Variants in RGS7 observed in about 807,000 individuals in gnomAD.
RGS7 encodes the protein regulator of G protein signaling 7.
A neutral mutation model predicts 81.1 loss-of-function variants in RGS7; 27 were observed. The observed-to-expected ratio is 0.33, with a 90% CI of 0.25 to 0.46. RGS7 has a LOEUF of 0.46. Ranked by LOEUF, RGS7 falls within the 20% of genes least tolerant of loss-of-function variation. The pLI is 1.00. For missense variants in RGS7, 396 were observed against 607.4 expected (o/e 0.65, Z 3.66); for synonymous variants, 208 against 207.7 (o/e 1.00, Z -0.01).
chr1:241,089,020 C>CCTCTCTCTCTCTCTCTCTCT lies in RGS7; in HGVS notation c.175+9645_175+9646insAGAGAGAGAGAGAGAGAGAG, dbSNP rs1491281246. ...CAGCCTGGGCCACAGAGCAAGACTC[C>CCTCTCTCTCTCTCTCTCTCT]ATCTCTCTCTCTCTCTCTCTCTCTC... On this transcript the variant is annotated intron_variant, in intron 3 of 18. Coordinates refer to ENST00000440928, the MANE Select transcript of RGS7 (RefSeq NM_001364886.1). Among the ~76,000 whole-genome samples, 26 of 45,448 alleles carry CCTCTCTCTCTCTCTCTCTCT rather than the reference C, an allele frequency of 5.7e-4. 1 individual carries two copies. The highest frequency in any genetic ancestry group is 8.2e-4 in the Non-Finnish European group (21 of 25,722). The allele number at this position is 45,448 out of a possible 152,430, so 29.8% of individuals were successfully genotyped here. A position where few individuals can be genotyped will look rare whatever the true frequency, so the allele number is the denominator to read the frequency against.
rs578115155 is a variant in RGS7, at chr1:240,801,489, C to T, written c.1379G>A (p.Arg460His). The T allele has an allele frequency of 1.9e-5, 31 of 1,608,140 alleles. No homozygotes were observed. Among genetic ancestry groups the T allele is most frequent in the African/African-American group, 5.4e-5 (4 of 74,752 alleles). The change falls in exon 17 of 19, where the codon CGC (arginine) becomes CAC (histidine). Residue 460 changes from arginine (R) to histidine (H), a missense_variant. By Grantham distance (29) the Arg-to-His change is conservative. Transcript: ENST00000440928. ...TGCAAATTTTTCAAAAGATGTTCTG[C>T]GATCCATTGAGTTTCCAGACTTACG... is the stretch of plus-strand genomic sequence containing the variant. ...AKKKSGNSMD[R>H]RTSFEKFAQN...
intron 2 of RGS7, among the ~76,000 whole-genome samples, chr1:241,237,399 G>A (rs918883279): frequency 1.9e-4 from 29 of 152,078 alleles, no homozygotes; most frequent in Admixed American, 1.8e-3. Flanking sequence ...TTGTGCACTG[G>A]ACCATATACC....
intron 2 of RGS7, among the ~76,000 whole-genome samples, chr1:241,176,334 A>G (rs534201302): frequency 6.6e-6 from 1 of 152,334 alleles, no homozygotes; most frequent in East Asian, 1.9e-4. Context: ...GAAAGACCGA[A>G]GCTATCCAGG....
intron 2 of RGS7, among the ~76,000 whole-genome samples, chr1:241,257,621 A>C (rs1459902807): frequency 1.3e-5 from 2 of 152,222 alleles, no homozygotes; most frequent in Non-Finnish European, 1.5e-5. Flanking sequence ...TTCTGTCCAA[A>C]GTGTGAGTAA....
At chr1:240,872,671 T>C (rs1399230563) in intron 6 of RGS7, among the ~76,000 whole-genome samples, 1 of 152,128 alleles carries the variant, frequency 6.6e-6, no homozygotes, top group East Asian at 1.9e-4. Flanking sequence ...AGTATCAGCA[T>C]TGGTCAAGAT....
chr1:240,793,126 A>C (rs1389515632), intron 18 of RGS7, among the ~76,000 whole-genome samples: 1 of 152,056 alleles, frequency 6.6e-6, no homozygotes, highest in Non-Finnish European at 1.5e-5. Flanking sequence ...CACTGTGGGG[A>C]GTGTCTACTC....
chr1:240,847,090 T>C (rs1043112735), intron 9 of RGS7, among the ~76,000 whole-genome samples: 31 of 152,228 alleles, frequency 2.0e-4, no homozygotes, highest in Admixed American at 2.0e-3. Flanking sequence ...ATAACTAATA[T>C]ACTTAACCTT....
At chr1:240,880,810 C>T (rs1307891892) in intron 6 of RGS7, among the ~76,000 whole-genome samples, 2 of 152,100 alleles carry the variant, frequency 1.3e-5, no homozygotes, top group East Asian at 3.9e-4. Flanking sequence ...TTTATTGATT[C>T]CAGAAAAATG....
intron 3 of RGS7, among the ~76,000 whole-genome samples, chr1:241,017,371 G>T (rs1304416660): frequency 2.0e-5 from 3 of 150,478 alleles, no homozygotes; most frequent in Non-Finnish European, 4.4e-5. Context: ...AACTCAGGAG[G>T]TGGAGTTGCA....
intron 2 of RGS7, among the ~76,000 whole-genome samples, chr1:241,224,616 C>T (rs1266435257): frequency 6.6e-6 from 1 of 152,138 alleles, no homozygotes; most frequent in Non-Finnish European, 1.5e-5. Context: ...TTGTGGTTTA[C>T]TGAAAACTTA....
chr1:241,226,105 CA>C (rs2075294875), intron 2 of RGS7, among the ~76,000 whole-genome samples: 1 of 151,898 alleles, frequency 6.6e-6, no homozygotes, highest in Admixed American at 6.6e-5. Flanking sequence ...TGAGAGCACC[CA>C]AGTTCATAAA....
At chr1:240,862,292 G>A (rs151031385) in intron 9 of RGS7, among the ~76,000 whole-genome samples, 59 of 152,132 alleles carry the variant, frequency 3.9e-4, no homozygotes, top group African/African-American at 1.3e-3. Flanking sequence ...ATCATATTAT[G>A]TATATTTTCT....
intron 5 of RGS7, among the ~76,000 whole-genome samples, chr1:240,933,872 T>C (rs1676134901): frequency 6.6e-6 from 1 of 152,092 alleles, no homozygotes; most frequent in African/African-American, 2.4e-5. Flanking sequence ...AGACATGTAC[T>C]ACAAATTTGA....
chr1:241,149,663 C>A (rs973627979), intron 2 of RGS7, among the ~76,000 whole-genome samples: 10 of 152,220 alleles, frequency 6.6e-5, no homozygotes, highest in African/African-American at 2.4e-4. Context: ...ACACCCCATA[C>A]CCACAATGTC....
intron 1 of RGS7, 83 bp from the exon 2 acceptor site, chr1:241,355,909 A>C: frequency 3.9e-6 from 3 of 765,862 alleles, no homozygotes; most frequent in East Asian, 2.6e-5. Flanking sequence ...CCCACCCCAC[A>C]TGGCGCGTTC....
intron 2 of RGS7, among the ~76,000 whole-genome samples, chr1:241,171,301 T>C (rs1363258019): frequency 6.6e-6 from 1 of 152,206 alleles, no homozygotes; most frequent in African/African-American, 2.4e-5. Context: ...ATTTAAATAG[T>C]TGATAGTGGT....
At chr1:241,051,490 G>C (rs562297894) in intron 3 of RGS7, among the ~76,000 whole-genome samples, 2 of 152,070 alleles carry the variant, frequency 1.3e-5, no homozygotes, top group African/African-American at 4.8e-5. Flanking sequence ...CAGACTTCAC[G>C]TCCTAGCTTT....
intron 9 of RGS7, among the ~76,000 whole-genome samples, chr1:240,850,777 C>T (rs570825177): frequency 2.0e-5 from 3 of 152,258 alleles, no homozygotes; most frequent in African/African-American, 7.2e-5. Context: ...GAAAGCAAAA[C>T]AGCCTTACTG....
intron 3 of RGS7, among the ~76,000 whole-genome samples, chr1:241,017,779 G>A (rs1270615186): frequency 6.6e-6 from 1 of 152,106 alleles, no homozygotes; most frequent in African/African-American, 2.4e-5. Flanking sequence ...GCTTGAATAG[G>A]ATAAGCCTAA....
Sources: allele counts gnomAD v4.1 joint callset (sites outside exome capture counted in the v4.1 genomes callset), GRCh38; gene constraint gnomAD v4.1.1; transcripts MANE v1.5; gene names NCBI Gene and HGNC (gene_info 2026-07-23, HGNC 2026-07-21).